TAFA4: variants seen among roughly 807,000 people sequenced by gnomAD.
The protein encoded by TAFA4 is TAFA chemokine like family member 4.
In TAFA4, 20 loss-of-function variants were observed where a neutral mutation model predicts 21.1. The observed-to-expected ratio is 0.95, with a 90% CI of 0.67 to 1.38. TAFA4 has a LOEUF of 1.38. Among genes scored for constraint, TAFA4 ranks in the 40% most tolerant of loss-of-function variants. The pLI is 0.00. For missense variants in TAFA4, 211 were observed against 180.9 expected, an observed-to-expected ratio of 1.17 and a Z score of -0.95; for synonymous variants, 71 against 67.4, an observed-to-expected ratio of 1.05 and a Z score of -0.26.
At chr3:68,733,222 AGACCAATAAG>A in intron 5 of TAFA4, 69 bp from the exon 6 acceptor site, 1 of 1,576,312 alleles carries the variant, frequency 6.3e-7, no homozygotes, top group Admixed American at 1.8e-5. Context: ...CCTGCCCCCG[AGACCAATAAG>A]GTCCTGACTG....
At chr3:68,918,970 A>G (rs994620671) in intron 1 of TAFA4, among the ~76,000 whole-genome samples, 1 of 152,390 alleles carries the variant, frequency 6.6e-6, no homozygotes, top group East Asian at 1.9e-4. Context: ...CTGTATACCA[A>G]GAGTAAACCT....
Position 68,908,620 on chromosome 3 carries a change from A to C in TAFA4, c.-122-23310T>G, listed in dbSNP as rs6791148. ...AAACATTAAGCATGAGTTTAAAACT[A>C]TAAGTGGACAAACAGTGGAGAGAAG... On this transcript the variant is annotated intron_variant, in intron 1 of 5. Transcript: ENST00000295569. Among the ~76,000 whole-genome samples, 185 of 152,354 alleles carry C rather than the reference A, an allele frequency of 1.2e-3. 2 individuals are homozygous for C. Among genetic ancestry groups the C allele is most frequent in the African/African-American group, 4.4e-3 (182 of 41,584 alleles).
At chr3:68,768,753 C>T (rs560198833) in intron 3 of TAFA4, among the ~76,000 whole-genome samples, 3 of 152,152 alleles carry the variant, frequency 2.0e-5, no homozygotes, top group East Asian at 3.9e-4. Flanking sequence ...GGCATACTAT[C>T]GGGTCATTTA....
At chr3:68,786,453 T>C (rs901216809) in intron 3 of TAFA4, among the ~76,000 whole-genome samples, 1 of 152,192 alleles carries the variant, frequency 6.6e-6, no homozygotes, top group Non-Finnish European at 1.5e-5. Flanking sequence ...GAACAGCCAC[T>C]GCATTCCAGA....
At chr3:68,876,375 C>A (rs1444708041) in intron 3 of TAFA4, among the ~76,000 whole-genome samples, 3 of 152,150 alleles carry the variant, frequency 2.0e-5, no homozygotes, top group Non-Finnish European at 2.9e-5. Flanking sequence ...AAGTACAATT[C>A]ATTTCTGCCG....
Position 68,885,179 on chromosome 3 carries a change from G to C in TAFA4, c.10C>G (p.Pro4Ala). MRS[P>A]RMRVCAKSVL... is the part of the protein sequence containing the mutation. ...TGAACGTTAAAATAATCTTACCTTG[G>C]GGACCTCATAAGATGTGGTTCTAGT... Residue 4 changes from proline (P) to alanine (A), a missense_variant, in exon 2 of 6, where the codon CCA becomes GCA. By Grantham distance (27) the Pro-to-Ala change is conservative. Coordinates refer to ENST00000295569, the MANE Select transcript of TAFA4 (RefSeq NM_182522.5). 6.2e-7 allele frequency: 1 copy of C among 1,612,530 alleles called. No homozygotes were observed. The highest frequency in any genetic ancestry group is 8.5e-7 in the Non-Finnish European group (1 of 1,179,434).
At chr3:68,808,928 G>A (rs746022016) in intron 3 of TAFA4, among the ~76,000 whole-genome samples, 1 of 152,272 alleles carries the variant, frequency 6.6e-6, no homozygotes, top group Admixed American at 6.5e-5. Flanking sequence ...TGCTTATCAT[G>A]ATAGTAGGAA....
At chr3:68,736,264 A>G (rs1291598098) in intron 5 of TAFA4, among the ~76,000 whole-genome samples, 8 of 150,510 alleles carry the variant, frequency 5.3e-5, no homozygotes, top group Non-Finnish European at 4.5e-5. Context: ...TCAATTAAGA[A>G]AAAAAAAAAT....
intron 3 of TAFA4, among the ~76,000 whole-genome samples, chr3:68,832,183 A>T (rs529372493): frequency 1.9e-4 from 29 of 152,132 alleles, no homozygotes; most frequent in Middle Eastern, 6.8e-3. Flanking sequence ...ACTTCTGTCA[A>T]CTCGTCAAAC....
chr3:68,905,450 G>A (rs190705273), intron 1 of TAFA4, among the ~76,000 whole-genome samples: 321 of 152,222 alleles, frequency 2.1e-3, no homozygotes, highest in Non-Finnish European at 2.9e-3. Flanking sequence ...TTACAGGTGT[G>A]AGCCACTGCG....
chr3:68,762,652 T>C (rs1160008766), intron 3 of TAFA4, among the ~76,000 whole-genome samples: 2 of 152,266 alleles, frequency 1.3e-5, no homozygotes, highest in African/African-American at 4.8e-5. Flanking sequence ...CACCAGGTGC[T>C]GTCCTGTTAA....
chr3:68,845,001 T>TG (rs890295411), intron 3 of TAFA4, among the ~76,000 whole-genome samples: 31 of 152,316 alleles, frequency 2.0e-4, no homozygotes, highest in African/African-American at 7.5e-4. Context: ...TCTGCTGATT[T>TG]GGGGAGGAGC....
chr3:68,918,375 T>C (rs931326271), intron 1 of TAFA4, among the ~76,000 whole-genome samples: 8 of 152,190 alleles, frequency 5.3e-5, no homozygotes, highest in South Asian at 2.1e-4. Context: ...TACCTCCAGA[T>C]AGATTTTCAA....
intron 3 of TAFA4, among the ~76,000 whole-genome samples, chr3:68,778,120 A>T (rs868716091): frequency 6.6e-6 from 1 of 152,234 alleles, no homozygotes; most frequent in African/African-American, 2.4e-5. Flanking sequence ...TGAATAAGCA[A>T]GAAAACCCAA....
chr3:68,869,383 C>A (rs1342553681), intron 3 of TAFA4, among the ~76,000 whole-genome samples: 1 of 151,968 alleles, frequency 6.6e-6, no homozygotes, highest in Non-Finnish European at 1.5e-5. Context: ...TGCCCTTACA[C>A]CAAAACCAGA....
At chr3:68,803,810 T>C (rs969323900) in intron 3 of TAFA4, among the ~76,000 whole-genome samples, 3 of 136,722 alleles carry the variant, frequency 2.2e-5, no homozygotes, top group Non-Finnish European at 3.1e-5. Context: ...TTTTTTTTTT[T>C]TTTTTTTTTT....
At chr3:68,883,982 C>CA (rs61319014) in intron 2 of TAFA4, among the ~76,000 whole-genome samples, 2 of 148,938 alleles carry the variant, frequency 1.3e-5, no homozygotes, top group Non-Finnish European at 3.0e-5. Flanking sequence ...GAGGGAAAGA[C>CA]AAAAAAAAAT....
intron 3 of TAFA4, among the ~76,000 whole-genome samples, chr3:68,758,366 A>T (rs1702698936): frequency 6.6e-6 from 1 of 152,160 alleles, no homozygotes; most frequent in African/African-American, 2.4e-5. Flanking sequence ...GAGGGACCTG[A>T]TGGGAGGTAA....
intron 1 of TAFA4, among the ~76,000 whole-genome samples, chr3:68,888,786 A>G (rs2089699781): frequency 6.6e-6 from 1 of 151,936 alleles, no homozygotes; most frequent in South Asian, 2.1e-4. Context: ...CACTCTCACA[A>G]TAAGGAACAC....
Sources: allele counts gnomAD v4.1 joint callset (sites outside exome capture counted in the v4.1 genomes callset), GRCh38; gene constraint gnomAD v4.1.1; transcripts MANE v1.5; gene names NCBI Gene and HGNC (gene_info 2026-07-23, HGNC 2026-07-21).